SLC5A4: variants seen among roughly 807,000 people sequenced by gnomAD.
SLC5A4 encodes solute carrier family 5 member 4, also known as probable glucose sensor protein SLC5A4.
SLC5A4 carries 55 observed loss-of-function variants against 70.3 expected under a neutral mutation model. The ratio of observed to expected loss-of-function variants is 0.78; its 90% confidence interval spans 0.63 to 0.98. SLC5A4 has a LOEUF of 0.98. Ranked by LOEUF, SLC5A4 falls within the 50% of genes least tolerant of loss-of-function variation. SLC5A4 has a pLI of 0.00. For missense variants in SLC5A4, 735 were observed against 839.2 expected (o/e 0.88, Z 1.53); for synonymous variants, 268 against 305.7 (o/e 0.88, Z 1.29).
At chr22:32,335,679 C>T in the SLC5A4 span, among the ~76,000 whole-genome samples, 2 of 152,192 alleles carry the variant, frequency 1.3e-5, no homozygotes, top group African/African-American at 4.8e-5. Flanking sequence ...GGCCCCAGAG[C>T]CCATTGTTCC....
At chr22:32,331,745 G>A in the SLC5A4 span, among the ~76,000 whole-genome samples, 1 of 152,092 alleles carries the variant, frequency 6.6e-6, no homozygotes, top group South Asian at 2.1e-4. Flanking sequence ...ACAGGCGGAG[G>A]GCAGGACACG....
chr22:32,314,230 T>A, the SLC5A4 span, among the ~76,000 whole-genome samples: 9 of 152,096 alleles, frequency 5.9e-5, no homozygotes, highest in Non-Finnish European at 7.4e-5. Flanking sequence ...CATCACCGAC[T>A]TTTTTTTCTC....
intron 7 of SLC5A4, among the ~76,000 whole-genome samples, chr22:32,236,531 TATTC>T (rs1326052463): frequency 3.9e-5 from 6 of 152,218 alleles, no homozygotes; most frequent in African/African-American, 1.4e-4. Flanking sequence ...AACTGACTAA[TATTC>T]AGTTCTCAAA....
chr22:32,239,600 T>C (rs1302021091), intron 5 of SLC5A4, among the ~76,000 whole-genome samples: 1 of 90,762 alleles, frequency 1.1e-5, no homozygotes, highest in Non-Finnish European at 2.0e-5. Context: ...ATATAAATTA[T>C]ATAAAATATA....
the SLC5A4 span, among the ~76,000 whole-genome samples, chr22:32,328,932 T>G: frequency 5.9e-5 from 9 of 152,198 alleles, no homozygotes; most frequent in Non-Finnish European, 1.0e-4. Flanking sequence ...GCTCCCTGCT[T>G]ACTGAGGCCA....
At chr22:32,276,555 T>C in the SLC5A4 span, 2 of 152,240 alleles carry the variant, frequency 1.3e-5, no homozygotes, top group Non-Finnish European at 2.9e-5. Flanking sequence ...TAAAAATGAA[T>C]CTTCTTTATT....
At chr22:32,300,855 T>C in the SLC5A4 span, among the ~76,000 whole-genome samples, 1 of 152,268 alleles carries the variant, frequency 6.6e-6, no homozygotes, top group Non-Finnish European at 1.5e-5. Context: ...ATTTCTGTCA[T>C]AAAGTTGCCA....
the SLC5A4 span, among the ~76,000 whole-genome samples, chr22:32,319,044 C>T: frequency 6.6e-6 from 1 of 152,176 alleles, no homozygotes; most frequent in Non-Finnish European, 1.5e-5. Flanking sequence ...TGCTGGAGAC[C>T]TAAACAGAAC....
chr22:32,340,436 C>T, the SLC5A4 span, among the ~76,000 whole-genome samples: 2 of 152,212 alleles, frequency 1.3e-5, no homozygotes, highest in Admixed American at 6.5e-5. Flanking sequence ...ACAAGAAACA[C>T]CAATCCCAAC....
the SLC5A4 span, among the ~76,000 whole-genome samples, chr22:32,307,614 T>G: frequency 8.1e-4 from 124 of 152,284 alleles, no homozygotes; most frequent in African/African-American, 2.8e-3. Flanking sequence ...CTGCTTAACA[T>G]TTGAGCTTTT....
At chr22:32,344,945 A>C in the SLC5A4 span, among the ~76,000 whole-genome samples, 1 of 152,178 alleles carries the variant, frequency 6.6e-6, no homozygotes, top group Admixed American at 6.5e-5. Flanking sequence ...GTATATGAAA[A>C]TGTTTGTGTA....
chr22:32,244,089 C>A (rs183499105), intron 5 of SLC5A4, among the ~76,000 whole-genome samples: 2 of 152,156 alleles, frequency 1.3e-5, no homozygotes, highest in African/African-American at 2.4e-5. Flanking sequence ...TCATCCCATG[C>A]GATACTGATG....
the SLC5A4 span, among the ~76,000 whole-genome samples, chr22:32,306,465 CAAAAA>C: frequency 3.7e-5 from 5 of 135,794 alleles, no homozygotes; most frequent in East Asian, 6.3e-4. Flanking sequence ...GACTCGGTCT[CAAAAA>C]AAAAAAACAA....
At chr22:32,297,854 T>C in the SLC5A4 span, among the ~76,000 whole-genome samples, 1 of 106,092 alleles carries the variant, frequency 9.4e-6, no homozygotes, top group East Asian at 2.4e-4. Context: ...GTATGTTGTG[T>C]CTTTGTTCTC....
the SLC5A4 span, among the ~76,000 whole-genome samples, chr22:32,307,878 A>C: frequency 6.6e-6 from 1 of 152,170 alleles, no homozygotes; most frequent in Admixed American, 6.5e-5. Flanking sequence ...ACACCCTCTG[A>C]TACCCACCAC....
At chr22:32,246,399 A>T (rs1399348012) in intron 5 of SLC5A4, among the ~76,000 whole-genome samples, 2 of 152,162 alleles carry the variant, frequency 1.3e-5, no homozygotes, top group African/African-American at 4.8e-5. Context: ...TAAACTTGAG[A>T]TTATTTCATT....
chr22:32,347,660 A>T, the SLC5A4 span, among the ~76,000 whole-genome samples: 2 of 135,168 alleles, frequency 1.5e-5, no homozygotes, highest in South Asian at 5.0e-4. Flanking sequence ...AACAATGAGA[A>T]CACATGGACA....
At chr22:32,329,726 GGTGTGTGTGTGTTGGGGGCTCTGGTGT>G in the SLC5A4 span, among the ~76,000 whole-genome samples, 1 of 13,072 alleles carries the variant, frequency 7.6e-5, no homozygotes, top group African/African-American at 6.3e-4. Flanking sequence ...TGGGGACTCT[GGTGTGTGTGTGTTGGGGGCTCTGGTGT>G]GTGTGTGTGT....
At chr22:32,324,223 A>G in the SLC5A4 span, among the ~76,000 whole-genome samples, 1 of 151,676 alleles carries the variant, frequency 6.6e-6, no homozygotes, top group Non-Finnish European at 1.5e-5. Flanking sequence ...ATATATATAC[A>G]TATATGTGTA....
Sources: gnomAD v4.1 joint callset for allele counts (sites outside exome capture counted in the v4.1 genomes callset) on GRCh38, gnomAD v4.1.1 for gene constraint, MANE v1.5 for transcripts, NCBI Gene and HGNC (gene_info 2026-07-23, HGNC 2026-07-21) for gene names.